The following CDH9 variants were observed in gnomAD, a reference collection of about 807,000 sequenced individuals.
The protein encoded by CDH9 is cadherin 9.
CDH9 carries 28 observed loss-of-function variants against 70.9 expected under a neutral mutation model. The observed-to-expected ratio is 0.40, with a 90% confidence interval of 0.29 to 0.54. The LOEUF is 0.54. Among genes scored for constraint, CDH9 ranks in the 20% least tolerant of loss-of-function variants. CDH9 has a pLI of 0.59. For missense variants in CDH9, 874 were observed against 984.4 expected, an observed-to-expected ratio of 0.89 and a Z score of 1.50; for synonymous variants, 409 against 343.1, an observed-to-expected ratio of 1.19 and a Z score of -2.12.
intron 2 of CDH9, among the ~76,000 whole-genome samples, chr5:26,962,236 T>C: frequency 6.6e-6 from 1 of 152,180 alleles, no homozygotes; most frequent in East Asian, 1.9e-4. Context: ...TGATGGGCAT[T>C]TCTGTTGGTT....
chr5:26,958,385 T>C (rs1017844929), intron 2 of CDH9, among the ~76,000 whole-genome samples: 1 of 152,136 alleles, frequency 6.6e-6, no homozygotes, highest in African/African-American at 2.4e-5. Context: ...ACACAAGTCT[T>C]TCTTGTTGGT....
chr5:26,919,083 C>T (rs1323540249), intron 2 of CDH9, among the ~76,000 whole-genome samples: 1 of 152,024 alleles, frequency 6.6e-6, no homozygotes, highest in African/African-American at 2.4e-5. Context: ...CAACTATCCA[C>T]AAAAAAGCTT....
intron 2 of CDH9, among the ~76,000 whole-genome samples, chr5:26,983,621 C>T (rs1323357343): frequency 2.0e-5 from 3 of 152,078 alleles, no homozygotes; most frequent in Non-Finnish European, 4.4e-5. Flanking sequence ...TTATAAACAA[C>T]TAATTCATAA....
chr5:26,982,689 TG>T (rs1164805835), intron 2 of CDH9, among the ~76,000 whole-genome samples: 2 of 151,940 alleles, frequency 1.3e-5, no homozygotes, highest in Non-Finnish European at 2.9e-5. Context: ...TTTGTTTTTT[TG>T]TTTTTTTGTT....
chr5:26,933,734 C>G (rs1579460057), intron 2 of CDH9, among the ~76,000 whole-genome samples: 1 of 151,582 alleles, frequency 6.6e-6, no homozygotes, highest in East Asian at 1.9e-4. Flanking sequence ...GAGCTGAGAT[C>G]AAGCCACTGC....
intron 1 of CDH9, among the ~76,000 whole-genome samples, chr5:27,035,285 T>C (rs1397640249): frequency 1.3e-5 from 2 of 151,146 alleles, no homozygotes; most frequent in African/African-American, 4.8e-5. Flanking sequence ...AAAACTCCTC[T>C]TCTAAAGTTC....
chr5:27,031,090 C>T (rs917326011), intron 1 of CDH9, among the ~76,000 whole-genome samples: 2 of 151,476 alleles, frequency 1.3e-5, no homozygotes, highest in East Asian at 1.9e-4. Context: ...AGATCACTTT[C>T]ATACAAGGCT....
chr5:26,881,036 C>T lies in CDH9; in HGVS notation c.*100G>A. On this transcript the variant is annotated 3_prime_UTR_variant, in exon 12 of 12. Transcript: ENST00000231021. ...AACATCTACGTATTGTTTGTAACTT[C>T]AATTTTTGAAAGATTTCCTCCCAGG... 2 of 1,165,068 alleles carry T rather than the reference C, an allele frequency of 1.7e-6. No homozygotes were observed. The highest frequency in any genetic ancestry group is 2.0e-4 in the Middle Eastern group (1 of 4,904). 72.2% of individuals were successfully genotyped at this position (1,165,068 alleles called of 1,614,324 possible).
chr5:26,923,069 T>TAAAAAAAAAAAAA (rs56883597), intron 2 of CDH9, among the ~76,000 whole-genome samples: 9 of 94,992 alleles, frequency 9.5e-5, no homozygotes, highest in Non-Finnish European at 1.3e-4. Context: ...TTACATGAAT[T>TAAAAAAAAAAAAA]AAAAAAAAAA....
intron 2 of CDH9, among the ~76,000 whole-genome samples, chr5:26,962,336 C>T (rs189117897): frequency 2.2e-4 from 33 of 152,250 alleles, no homozygotes; most frequent in African/African-American, 7.9e-4. Context: ...TGGGTATATA[C>T]CCAGTAATGG....
At chr5:26,949,969 G>T (rs557947321) in intron 2 of CDH9, among the ~76,000 whole-genome samples, 1 of 152,182 alleles carries the variant, frequency 6.6e-6, no homozygotes, top group Non-Finnish European at 1.5e-5. Context: ...TGACTGTGTG[G>T]CTTAGAGAGC....
At chr5:27,003,491 C>A (rs1742806358) in intron 1 of CDH9, among the ~76,000 whole-genome samples, 1 of 151,900 alleles carries the variant, frequency 6.6e-6, no homozygotes, top group South Asian at 2.1e-4. Context: ...ACCTCAAGTC[C>A]AATATCACAA....
chr5:27,035,674 ACG>A lies in CDH9; in HGVS notation c.-50+2787_-50+2788del, dbSNP rs1491189782. On this transcript the variant is annotated intron_variant, in intron 1 of 11. Coordinates refer to ENST00000231021, the MANE Select transcript of CDH9 (RefSeq NM_016279.4). ...TTACTCTATGTTAATATTGCTATTGACGTGTGTGTGTGTGTGTGTGTGTGTGT... is the reference window on the plus strand; with the variant it reads ...TTACTCTATGTTAATATTGCTATTGATGTGTGTGTGTGTGTGTGTGTGTGT... 1.1e-3 allele frequency among the ~76,000 whole-genome samples: 120 copies of A among 112,088 alleles called. 1 individual carries two copies. The highest frequency in any genetic ancestry group is 3.9e-3 in the African/African-American group (110 of 28,174). 73.5% of individuals were successfully genotyped at this position (112,088 alleles called of 152,430 possible).
intron 1 of CDH9, among the ~76,000 whole-genome samples, chr5:26,999,309 C>G (rs985629576): frequency 6.6e-6 from 1 of 151,842 alleles, no homozygotes; most frequent in Non-Finnish European, 1.5e-5. Context: ...TTCTCCAAAG[C>G]TGATACAAAT....
intron 7 of CDH9, among the ~76,000 whole-genome samples, chr5:26,900,275 C>T (rs576234085): frequency 6.9e-4 from 105 of 152,152 alleles, no homozygotes; most frequent in African/African-American, 2.4e-3. Flanking sequence ...AGGAAACATT[C>T]TAATTCTGTG....
chr5:26,963,713 G>A (rs1312180138), intron 2 of CDH9, among the ~76,000 whole-genome samples: 1 of 152,052 alleles, frequency 6.6e-6, no homozygotes, highest in African/African-American at 2.4e-5. Flanking sequence ...GCACATTGGT[G>A]ATTATGCCTT....
intron 2 of CDH9, among the ~76,000 whole-genome samples, chr5:26,959,356 A>G (rs1439625369): frequency 6.6e-6 from 1 of 152,096 alleles, no homozygotes; most frequent in African/African-American, 2.4e-5. Context: ...GGGAACTAGT[A>G]AGTCTAGGCA....
chr5:26,892,169 A>G (rs1740671509), intron 7 of CDH9, among the ~76,000 whole-genome samples: 1 of 152,220 alleles, frequency 6.6e-6, no homozygotes, highest in Admixed American at 6.5e-5. Flanking sequence ...GAAAAGATTA[A>G]TTTATATGAA....
At chr5:26,912,517 T>C (rs998072577) in intron 3 of CDH9, among the ~76,000 whole-genome samples, 1 of 150,748 alleles carries the variant, frequency 6.6e-6, no homozygotes, top group African/African-American at 2.4e-5. Context: ...TTTATATATA[T>C]ACAGATATAT....
Sources: allele counts gnomAD v4.1 joint callset (sites outside exome capture counted in the v4.1 genomes callset), GRCh38; gene constraint gnomAD v4.1.1; transcripts MANE v1.5; gene names NCBI Gene and HGNC (gene_info 2026-07-23, HGNC 2026-07-21).